ZCCHC10: variants seen among roughly 807,000 people sequenced by gnomAD.
The protein encoded by ZCCHC10 is zinc finger CCHC-type containing 10, also known as zinc finger CCHC domain-containing protein 10.
In ZCCHC10, 16 loss-of-function variants were observed where a neutral mutation model predicts 19.5. That is an observed-to-expected ratio of 0.82 (90% confidence interval 0.56 to 1.25). The LOEUF is 1.25. ZCCHC10 is among the 50% of genes most tolerant of loss of function. The pLI is 0.00. For missense variants in ZCCHC10, 197 were observed against 201.0 expected (o/e 0.98, Z 0.12); for synonymous variants, 67 against 72.5 (o/e 0.92, Z 0.38).
chr5:133,009,425 G>A (rs963683174), intron 2 of ZCCHC10, among the ~76,000 whole-genome samples: 2 of 151,660 alleles, frequency 1.3e-5, no homozygotes, highest in Non-Finnish European at 2.9e-5. Context: ...CGAGACCAGC[G>A]TGGCCAACAT....
chr5:133,006,362 C>T (rs1232833206), intron 3 of ZCCHC10, among the ~76,000 whole-genome samples: 13 of 152,034 alleles, frequency 8.6e-5, no homozygotes, highest in South Asian at 2.1e-4. Context: ...TATAATCTAT[C>T]GGTTAATTCA....
chr5:133,019,844 T>C (rs1179512283), intron 2 of ZCCHC10, among the ~76,000 whole-genome samples: 1 of 150,392 alleles, frequency 6.6e-6, no homozygotes, highest in Non-Finnish European at 1.5e-5. Context: ...CCTAGCTACT[T>C]GGGAGGCTGA....
intron 4 of ZCCHC10, among the ~76,000 whole-genome samples, chr5:132,999,780 C>T (rs1762645845): frequency 6.6e-6 from 1 of 152,144 alleles, no homozygotes; most frequent in Non-Finnish European, 1.5e-5. Flanking sequence ...CAGAGTTTCG[C>T]TCTGTTGCCC....
chr5:133,017,369 A>AT (rs11452608), intron 2 of ZCCHC10, among the ~76,000 whole-genome samples: 36,095 of 149,078 alleles, frequency 0.24, 4,443 homozygotes, highest in African/African-American at 0.28. Flanking sequence ...CCATAGCATG[A>AT]TTTTTTTTTT....
At chr5:133,025,822 C>CT (rs1353801903) in intron 1 of ZCCHC10, among the ~76,000 whole-genome samples, 1 of 152,120 alleles carries the variant, frequency 6.6e-6, no homozygotes, top group Admixed American at 6.6e-5. Context: ...AGCTTACTTC[C>CT]TTCAAAGCTG....
chr5:133,025,525 A>AT, intron 1 of ZCCHC10, among the ~76,000 whole-genome samples: 1 of 124,850 alleles, frequency 8.0e-6, no homozygotes, highest in African/African-American at 3.3e-5. Flanking sequence ...AAAAAAAAAA[A>AT]AAAAAAAAGA....
intron 2 of ZCCHC10, among the ~76,000 whole-genome samples, chr5:133,007,422 A>G (rs1162045414): frequency 6.6e-6 from 1 of 152,072 alleles, no homozygotes; most frequent in African/African-American, 2.4e-5. Context: ...GGGCGCCTGT[A>G]GTCCCAGCTA....
intron 1 of ZCCHC10, 80 bp downstream of exon 1, chr5:133,026,417 T>A: frequency 1.3e-6 from 2 of 1,547,954 alleles, no homozygotes; most frequent in East Asian, 2.3e-5. Flanking sequence ...CCGGTCCCAA[T>A]AGGGGTCCGA....
chr5:133,012,072 G>C (rs7737717), intron 2 of ZCCHC10, among the ~76,000 whole-genome samples: 1,775 of 147,938 alleles, frequency 0.012, 34 homozygotes, highest in African/African-American at 0.042. Flanking sequence ...GGGAGGCAGA[G>C]GTTGCAGTGA....
intron 2 of ZCCHC10, among the ~76,000 whole-genome samples, chr5:133,014,748 C>T (rs1763808279): frequency 6.6e-6 from 1 of 152,214 alleles, no homozygotes; most frequent in Admixed American, 6.5e-5. Context: ...TTGGCCTTTC[C>T]ACAGTGCTTA....
intron 1 of ZCCHC10, 39 bp from the exon 2 acceptor site, chr5:133,022,945 G>A (rs1461109846): frequency 4.0e-6 from 2 of 502,592 alleles, no homozygotes; most frequent in East Asian, 6.7e-5. Context: ...AGGTAAGTCT[G>A]ACACTTAAGT....
intron 3 of ZCCHC10, among the ~76,000 whole-genome samples, chr5:133,000,435 A>G (rs112173449): frequency 1.3e-5 from 2 of 152,344 alleles, no homozygotes; most frequent in African/African-American, 4.8e-5. Context: ...GTAGGTTAGT[A>G]GTTAAGATGA....
intron 1 of ZCCHC10, among the ~76,000 whole-genome samples, chr5:133,025,244 C>G (rs988359429): frequency 3.9e-5 from 6 of 152,082 alleles, no homozygotes; most frequent in Admixed American, 3.3e-4. Flanking sequence ...GTAGCTCACG[C>G]CTGTAATCCC....
At chr5:133,025,525 A>G (rs7707439) in intron 1 of ZCCHC10, among the ~76,000 whole-genome samples, 1,868 of 124,772 alleles carry the variant, frequency 0.015, 152 homozygotes, top group African/African-American at 0.054. Context: ...AAAAAAAAAA[A>G]AAAAAAAAGA....
At chr5:133,010,560 A>C (rs1763431991) in intron 2 of ZCCHC10, among the ~76,000 whole-genome samples, 1 of 152,196 alleles carries the variant, frequency 6.6e-6, no homozygotes, top group Non-Finnish European at 1.5e-5. Flanking sequence ...TTCAGTGACC[A>C]TGGTTTGTGG....
intron 2 of ZCCHC10, among the ~76,000 whole-genome samples, chr5:133,018,559 C>T (rs1176038286): frequency 1.3e-5 from 2 of 152,092 alleles, no homozygotes; most frequent in Non-Finnish European, 2.9e-5. Flanking sequence ...CCACCCTGCC[C>T]TACTAATTTT....
intron 2 of ZCCHC10, chr5:133,019,131 C>A (rs1439020993): frequency 2.2e-6 from 1 of 447,270 alleles, no homozygotes. Context: ...CGCCTATAAT[C>A]CTGGCACTTT....
chr5:133,025,503 CAAAAAAAAA>C (rs74843776), intron 1 of ZCCHC10, among the ~76,000 whole-genome samples: 31 of 18,678 alleles, frequency 1.7e-3, no homozygotes, highest in Middle Eastern at 0.045. Flanking sequence ...GACTCCGCCT[CAAAAAAAAA>C]AAAAAAAAAA....
rs1762670977 is a variant in ZCCHC10, at chr5:133,000,161, G to A, written c.282C>T (p.Thr94=). The change falls in exon 4 of 5, where the codon ACC becomes ACT. Residue 94 remains threonine, a synonymous_variant. Coordinates refer to ENST00000509437, the MANE Select transcript of ZCCHC10 (RefSeq NM_001300816.3). Reference sequence around the variant, plus strand: ...TTTTCTTGGCCTTTCTTTCTACATTGGTTTCTCCAATGCTGATAAACACGA... The same window carrying A: ...TTTTCTTGGCCTTTCTTTCTACATTAGTTTCTCCAATGCTGATAAACACGA... ...RLLLQQSIGE[T]NVERKAKKKR... The A allele has an allele frequency of 6.2e-7, 1 of 1,613,440 alleles. No homozygotes were observed. Among genetic ancestry groups the A allele is most frequent in the Non-Finnish European group, 8.5e-7 (1 of 1,179,852 alleles).
Sources: gnomAD v4.1 joint callset for allele counts (sites outside exome capture counted in the v4.1 genomes callset) on GRCh38, gnomAD v4.1.1 for gene constraint, MANE v1.5 for transcripts, NCBI Gene and HGNC (gene_info 2026-07-23, HGNC 2026-07-21) for gene names.